TRPS1: variants seen among roughly 807,000 people sequenced by gnomAD.
TRPS1 encodes the protein transcriptional repressor GATA binding 1.
TRPS1 carries 6 observed loss-of-function variants against 101.2 expected under a neutral mutation model. The ratio of observed to expected loss-of-function variants is 0.06; its 90% CI spans 0.03 to 0.12. The LOEUF (loss-of-function observed/expected upper bound fraction) is 0.12. Ranked by LOEUF, TRPS1 falls within the 10% of genes least tolerant of loss-of-function variation. The pLI is 1.00. For missense variants in TRPS1, 1,363 were observed against 1,567.0 expected (o/e 0.87, Z 2.20); for synonymous variants, 578 against 589.8 (o/e 0.98, Z 0.29).
intron 5 of TRPS1, among the ~76,000 whole-genome samples, chr8:115,546,774 T>C (rs547331388): frequency 9.2e-5 from 14 of 152,362 alleles, no homozygotes; most frequent in South Asian, 8.3e-4. Context: ...TCTTCATTAC[T>C]GTGAGCTGAA....
chr8:115,620,040 G>T lies in TRPS1; in HGVS notation c.58C>A (p.Pro20Thr). 6.2e-7 allele frequency: 1 copy of T among 1,614,148 alleles called. No individual in the cohort carries two copies. Among genetic ancestry groups the T allele is most frequent in the Non-Finnish European group, 8.5e-7 (1 of 1,180,036 alleles). ...TCACTTGCAACGTTTCTCAGAGGGG[G>T]GTTCTTTTTCCGGACCATATCTGCA... ...DFTNMVRKKN[P>T]PLRNVASEGE... Residue 20 changes from proline (P) to threonine (T), a missense_variant, in exon 3 of 7, where the codon CCC becomes ACC. Around this residue, in one of 5 missense-constraint regions of TRPS1, gnomAD observed 1,020 missense variants for 1,073.0 expected, o/e 0.95. Transcript: ENST00000395715.
chr8:115,476,700 A>T (rs1814615394), intron 5 of TRPS1, among the ~76,000 whole-genome samples: 1 of 152,202 alleles, frequency 6.6e-6, no homozygotes, highest in Non-Finnish European at 1.5e-5. Flanking sequence ...AGACTTTGCA[A>T]TTTTAGGTCC....
Position 115,587,408 on chromosome 8 carries a change from G to T in TRPS1, c.2293C>A (p.Pro765Thr). 6.2e-7 allele frequency: 1 copy of T among 1,614,184 alleles called. No individual in the cohort carries two copies. The highest frequency in any genetic ancestry group is 1.3e-5 in the African/African-American group (1 of 75,026). ...IDFRVYNLLT[P>T]DSKMGEPVSE... ...ACTGGCTCTCCCATTTTAGAGTCTG[G>T]AGTTAGCAGATTGTAGACCCTGAAG... is the stretch of plus-strand genomic sequence containing the variant. Residue 765 changes from proline (P) to threonine (T), a missense_variant, in exon 5 of 7, where the codon CCA becomes ACA. Around this residue, in one of 5 missense-constraint regions of TRPS1, gnomAD observed 1,020 missense variants for 1,073.0 expected, o/e 0.95. Coordinates refer to ENST00000395715, the MANE Select transcript of TRPS1 (RefSeq NM_014112.5).
At chr8:115,428,985 T>C (rs1285843585) in intron 5 of TRPS1, among the ~76,000 whole-genome samples, 2 of 152,198 alleles carry the variant, frequency 1.3e-5, no homozygotes, top group Non-Finnish European at 2.9e-5. Flanking sequence ...GATAATTTCA[T>C]GATAGAGGTA....
intron 5 of TRPS1, among the ~76,000 whole-genome samples, chr8:115,505,257 T>C (rs1815413601): frequency 6.6e-6 from 1 of 152,184 alleles, no homozygotes; most frequent in African/African-American, 2.4e-5. Flanking sequence ...TATAACAAAA[T>C]CCATGGTTAA....
intron 1 of TRPS1, among the ~76,000 whole-genome samples, chr8:115,625,592 A>C (rs1240363938): frequency 6.6e-6 from 1 of 151,936 alleles, no homozygotes; most frequent in East Asian, 1.9e-4. Flanking sequence ...AAACACACTA[A>C]GCAAGATGAC....
chr8:115,415,799 A>G (rs1812905478), intron 6 of TRPS1, among the ~76,000 whole-genome samples: 1 of 152,220 alleles, frequency 6.6e-6, no homozygotes. Context: ...ATGTGAAAAC[A>G]TAAATGTCGG....
intron 5 of TRPS1, among the ~76,000 whole-genome samples, chr8:115,503,682 A>G (rs1428052185): frequency 6.6e-6 from 1 of 152,226 alleles, no homozygotes; most frequent in Non-Finnish European, 1.5e-5. Flanking sequence ...AGAGTTTAAA[A>G]ATAACTTTGA....
chr8:115,639,430 G>T (rs926546773), intron 1 of TRPS1, among the ~76,000 whole-genome samples: 4 of 152,112 alleles, frequency 2.6e-5, no homozygotes, highest in African/African-American at 9.7e-5. Context: ...AAGGATAAAA[G>T]CAAATTTGAC....
At chr8:115,594,986 T>A (rs1817755444) in intron 4 of TRPS1, among the ~76,000 whole-genome samples, 1 of 151,934 alleles carries the variant, frequency 6.6e-6, no homozygotes, top group Non-Finnish European at 1.5e-5. Context: ...TTTTTTTAAA[T>A]CTTAAAGACA....
At chr8:115,564,580 G>A (rs62513035) in intron 5 of TRPS1, among the ~76,000 whole-genome samples, 3 of 152,096 alleles carry the variant, frequency 2.0e-5, no homozygotes, top group Admixed American at 1.3e-4. Flanking sequence ...GGTTTGGAAA[G>A]CTTCAAAATA....
At chr8:115,635,135 T>C (rs1022582946) in intron 1 of TRPS1, among the ~76,000 whole-genome samples, 2 of 152,190 alleles carry the variant, frequency 1.3e-5, no homozygotes, top group African/African-American at 4.8e-5. Context: ...ATGACCAGAA[T>C]ACTGCTTGAG....
intron 5 of TRPS1, among the ~76,000 whole-genome samples, chr8:115,561,948 C>T (rs1320510351): frequency 6.6e-6 from 1 of 151,894 alleles, no homozygotes; most frequent in Non-Finnish European, 1.5e-5. Context: ...AGATCATGAT[C>T]GACAAATCCA....
chr8:115,446,529 G>T (rs147223871), intron 5 of TRPS1, among the ~76,000 whole-genome samples: 2,655 of 152,144 alleles, frequency 0.017, 80 homozygotes, highest in African/African-American at 0.061. Context: ...CAAGAATCTT[G>T]CATCAATTTA....
At chr8:115,550,269 T>C (rs993237451) in intron 5 of TRPS1, among the ~76,000 whole-genome samples, 12 of 152,152 alleles carry the variant, frequency 7.9e-5, no homozygotes, top group African/African-American at 2.9e-4. Flanking sequence ...TAAAGGAAAG[T>C]AATTAAAAAT....
At chr8:115,453,795 A>T (rs886425220) in intron 5 of TRPS1, among the ~76,000 whole-genome samples, 7 of 152,268 alleles carry the variant, frequency 4.6e-5, no homozygotes, top group Admixed American at 6.5e-5. Flanking sequence ...ATTAGAGTAT[A>T]TAAAATGTAC....
At chr8:115,454,593 T>C (rs1475914500) in intron 5 of TRPS1, among the ~76,000 whole-genome samples, 2 of 152,210 alleles carry the variant, frequency 1.3e-5, no homozygotes, top group African/African-American at 4.8e-5. Context: ...TATCACTATA[T>C]ATGATGGATT....
chr8:115,476,583 G>A (rs564534432), intron 5 of TRPS1, among the ~76,000 whole-genome samples: 1 of 152,172 alleles, frequency 6.6e-6, no homozygotes, highest in African/African-American at 2.4e-5. Flanking sequence ...ATCTATTTTT[G>A]AAGAAAATCA....
chr8:115,631,059 T>A (rs1402458547), intron 1 of TRPS1, among the ~76,000 whole-genome samples: 3 of 152,056 alleles, frequency 2.0e-5, no homozygotes, highest in Non-Finnish European at 4.4e-5. Context: ...ATCCTAACTT[T>A]CGAATCTGCC....
Sources: allele counts gnomAD v4.1 joint callset (sites outside exome capture counted in the v4.1 genomes callset), GRCh38; gene constraint gnomAD v4.1.1; regional missense constraint gnomAD v4.1.1; transcripts MANE v1.5; gene names NCBI Gene and HGNC (gene_info 2026-07-23, HGNC 2026-07-21).